The following POU6F2 variants were observed in gnomAD, a reference collection of about 807,000 sequenced individuals.
POU6F2 encodes POU domain, class 6, transcription factor 2.
Under a neutral mutation model 71.3 loss-of-function variants are expected in POU6F2, and 31 were observed. The observed-to-expected ratio is 0.43, with a 90% confidence interval of 0.33 to 0.59. POU6F2 has a LOEUF of 0.59. Ranked by LOEUF, POU6F2 falls within the 20% of genes least tolerant of loss-of-function variation. POU6F2 has a pLI of 0.04. For synonymous variants in POU6F2, 347 were observed against 355.7 expected (o/e 0.98, Z 0.27); for missense variants, 783 against 856.8 (o/e 0.91, Z 1.07).
intron 2 of POU6F2, among the ~76,000 whole-genome samples, chr7:39,189,913 C>T (rs1056906321): frequency 2.6e-5 from 4 of 151,850 alleles, no homozygotes; most frequent in African/African-American, 4.8e-5. Context: ...GTATGTATGT[C>T]GACAGGGCCT....
rs543542973 is a variant in POU6F2, at chr7:39,389,045, G to A, written c.973-17555G>A. On this transcript the variant is annotated intron_variant, in intron 5 of 9. Transcript: ENST00000518318. ...CTTCAGTTTACTGGCTCCTCCTCAA[G>A]AAGATGTTTGTCACAGAGAAATATA... 7.2e-5 allele frequency among the ~76,000 whole-genome samples: 11 copies of A among 152,082 alleles called. No individual in the cohort carries two copies. The East Asian group carries it at 2.1e-3, about 30-fold the overall frequency.
At chr7:39,110,268 CA>C (rs35337549) in intron 2 of POU6F2, among the ~76,000 whole-genome samples, 6,443 of 103,654 alleles carry the variant, frequency 0.062, 156 homozygotes, top group African/African-American at 0.15. Context: ...AACTCCGTCT[CA>C]AAAAAAAAAA....
At chr7:39,243,747 G>A (rs1482876194) in intron 4 of POU6F2, among the ~76,000 whole-genome samples, 2 of 151,788 alleles carry the variant, frequency 1.3e-5, no homozygotes, top group East Asian at 3.9e-4. Context: ...TGAAAACCCA[G>A]CTCTGTTAGG....
chr7:39,295,054 G>T (rs976634431), intron 4 of POU6F2, among the ~76,000 whole-genome samples: 6 of 151,838 alleles, frequency 4.0e-5, no homozygotes, highest in Non-Finnish European at 8.8e-5. Flanking sequence ...CTCATTTTTC[G>T]GTCATGCCAT....
At chr7:39,331,192 G>GGTT (rs1218838891) in intron 4 of POU6F2, among the ~76,000 whole-genome samples, 1 of 152,158 alleles carries the variant, frequency 6.6e-6, no homozygotes, top group African/African-American at 2.4e-5. Flanking sequence ...TGGACACTTA[G>GGTT]GTTGATTCCA....
chr7:39,086,967 A>G (rs552818643), intron 2 of POU6F2, among the ~76,000 whole-genome samples: 23 of 151,938 alleles, frequency 1.5e-4, no homozygotes, highest in Non-Finnish European at 2.8e-4. Context: ...GTGTGTGTGC[A>G]CACACACATA....
chr7:39,350,908 A>G (rs1786128409), intron 5 of POU6F2, among the ~76,000 whole-genome samples: 1 of 152,206 alleles, frequency 6.6e-6, no homozygotes, highest in Non-Finnish European at 1.5e-5. Flanking sequence ...ATTCCTTTGT[A>G]TTCTTTTCCA....
intron 4 of POU6F2, among the ~76,000 whole-genome samples, chr7:39,259,606 G>A (rs368479911): frequency 5.9e-5 from 9 of 152,224 alleles, no homozygotes; most frequent in African/African-American, 2.2e-4. Context: ...TGATCAGGCG[G>A]CACAGGGACA....
At chr7:39,018,917 G>A (rs942356412) in intron 1 of POU6F2, among the ~76,000 whole-genome samples, 48 of 152,052 alleles carry the variant, frequency 3.2e-4, no homozygotes, top group Non-Finnish European at 1.5e-4. Flanking sequence ...GAATTCATTT[G>A]CTTCTTGGAA....
intron 6 of POU6F2, among the ~76,000 whole-genome samples, chr7:39,416,321 C>T (rs1008924526): frequency 1.3e-5 from 2 of 152,160 alleles, no homozygotes; most frequent in African/African-American, 2.4e-5. Context: ...CAGAGAAAAT[C>T]GCCTTAAGGT....
chr7:39,414,362 A>T (rs1055768043), intron 6 of POU6F2, among the ~76,000 whole-genome samples: 2 of 152,180 alleles, frequency 1.3e-5, no homozygotes, highest in Non-Finnish European at 2.9e-5. Context: ...AGGGACTCGT[A>T]ATATGCAAAC....
intron 4 of POU6F2, among the ~76,000 whole-genome samples, chr7:39,279,424 C>T (rs1379806798): frequency 4.6e-5 from 7 of 152,138 alleles, no homozygotes; most frequent in Non-Finnish European, 7.4e-5. Flanking sequence ...AACATCATCC[C>T]ATGGGGTGAT....
chr7:39,288,562 A>G (rs144902048), intron 4 of POU6F2, among the ~76,000 whole-genome samples: 213 of 152,332 alleles, frequency 1.4e-3, no homozygotes, highest in African/African-American at 4.9e-3. Flanking sequence ...CACCTGGTCC[A>G]TTGGCTTGCA....
intron 6 of POU6F2, among the ~76,000 whole-genome samples, chr7:39,431,371 C>A (rs1038147256): frequency 1.3e-5 from 2 of 152,216 alleles, no homozygotes; most frequent in Non-Finnish European, 2.9e-5. Context: ...CATGGTCTTG[C>A]AATTCTCCTG....
intron 1 of POU6F2, among the ~76,000 whole-genome samples, chr7:39,052,238 A>G (rs1790413491): frequency 6.6e-6 from 1 of 152,192 alleles, no homozygotes; most frequent in Non-Finnish European, 1.5e-5. Context: ...CTGCGACTGC[A>G]ATATAAATAT....
intron 4 of POU6F2, among the ~76,000 whole-genome samples, chr7:39,265,156 C>CAT (rs1464857584): frequency 6.6e-6 from 1 of 152,186 alleles, no homozygotes; most frequent in Non-Finnish European, 1.5e-5. Context: ...ACCCCCAACA[C>CAT]ATACACACCC....
At chr7:39,432,704 G>A (rs1788137140) in intron 6 of POU6F2, among the ~76,000 whole-genome samples, 1 of 152,102 alleles carries the variant, frequency 6.6e-6, no homozygotes, top group South Asian at 2.1e-4. Flanking sequence ...GGGTGGTGGG[G>A]ATGCACTCTT....
chr7:39,129,082 G>A (rs2128729089), intron 2 of POU6F2, among the ~76,000 whole-genome samples: 1 of 152,258 alleles, frequency 6.6e-6, no homozygotes, highest in East Asian at 1.9e-4. Context: ...TGAGTAAACG[G>A]TGCTGGCAAA....
intron 1 of POU6F2, among the ~76,000 whole-genome samples, chr7:39,076,602 T>C (rs1791008749): frequency 6.6e-6 from 1 of 152,200 alleles, no homozygotes; most frequent in South Asian, 2.1e-4. Flanking sequence ...CTGTGATGCA[T>C]TGCCAATATG....
Sources: gnomAD v4.1 joint callset for allele counts (sites outside exome capture counted in the v4.1 genomes callset) on GRCh38, gnomAD v4.1.1 for gene constraint, MANE v1.5 for transcripts, NCBI Gene and HGNC (gene_info 2026-07-23, HGNC 2026-07-21) for gene names.